Variants in KIF1A observed in about 807,000 individuals in gnomAD.
KIF1A encodes the protein kinesin-like protein KIF1A.
A neutral mutation model predicts 227.3 loss-of-function variants in KIF1A; 46 were observed. That is an observed-to-expected ratio of 0.20 (90% confidence interval 0.16 to 0.26). The LOEUF is 0.26. Among genes scored for constraint, KIF1A ranks in the 10% least tolerant of loss-of-function variants. KIF1A has a pLI of 1.00. For synonymous variants in KIF1A, 1,022 were observed against 1,012.8 expected (o/e 1.01, Z -0.17); for missense variants, 1,683 against 2,485.9 (o/e 0.68, Z 6.87).
At position 240,788,326 on chromosome 2, in the gene KIF1A, G is replaced by C; in HGVS notation, c.184-96C>G. 8.5e-7 allele frequency: 1 copy of C among 1,173,510 alleles called. No individual in the cohort carries two copies. Among genetic ancestry groups the C allele is most frequent in the Middle Eastern group, 2.0e-4 (1 of 4,930 alleles). 72.7% of individuals were successfully genotyped at this position (1,173,510 alleles called of 1,614,324 possible). Reference sequence around the variant, plus strand: ...GAGCCAGGGGATGCCCAGGGCCTCAGGGTGCCAGGGCAGCACAGTGGGGAG... The same window carrying C: ...GAGCCAGGGGATGCCCAGGGCCTCACGGTGCCAGGGCAGCACAGTGGGGAG... On this transcript the variant is annotated intron_variant, in intron 3 of 48. Coordinates refer to ENST00000498729, the MANE Select transcript of KIF1A (RefSeq NM_001244008.2). This position sits in a 1 kb window ranked among gnomAD's most constrained non-coding sequence, Gnocchi z 6.6.
In KIF1A at chr2:240,762,016, A is replaced by G. The variant is rs2050592921; in HGVS notation, c.2117-639T>C. ...CAAGGAGGGACTTGTCCTTGTGCTG[A>G]GACCCCACCCCTCCTCCCAACACAG... is the stretch of plus-strand genomic sequence containing the variant. On this transcript the variant is annotated intron_variant, in intron 23 of 48. Transcript: ENST00000498729. Among the ~76,000 whole-genome samples, 4 of 152,290 alleles carry G rather than the reference A, an allele frequency of 2.6e-5. No homozygotes were observed. The South Asian group carries it at 8.3e-4, about 32-fold the overall frequency.
chr2:240,819,495 G>GA (rs2058570487), intron 1 of KIF1A, among the ~76,000 whole-genome samples: 1 of 152,062 alleles, frequency 6.6e-6, no homozygotes. Flanking sequence ...GGGTGGCCAG[G>GA]CCCCAACGCC....
At position 240,718,153 on chromosome 2, in the gene KIF1A, C is replaced by T. The variant is rs1332752420; in HGVS notation, c.5230G>A (p.Ala1744Thr). 2 of 1,605,424 alleles carry T rather than the reference C, an allele frequency of 1.2e-6. No individual in the cohort carries two copies. The highest frequency in any genetic ancestry group is 1.7e-6 in the Non-Finnish European group (2 of 1,176,556). The change falls in exon 48 of 49, where the codon GCG becomes ACG. Residue 1744 changes from alanine (A) to threonine (T), a missense_variant. Physicochemically the swap from Ala to Thr is moderately conservative, Grantham distance 58 (BLOSUM62 0). Coordinates refer to ENST00000498729, the MANE Select transcript of KIF1A (RefSeq NM_001244008.2). ...ATGCCGCGGTGTTCCGTGCACACCG[C>T]GAATGTGTTGGGTGTCTGCAGAGGG... The part of the protein sequence containing the change: ...QAMLKTPNTF[A>T]VCTEHRGILL...
intron 1 of KIF1A, among the ~76,000 whole-genome samples, chr2:240,802,581 T>G (rs900811216): frequency 6.6e-6 from 1 of 152,176 alleles, no homozygotes; most frequent in Non-Finnish European, 1.5e-5. Flanking sequence ...AGGATGAAAA[T>G]TTGTGCTTGT....
In KIF1A at chr2:240,788,041, C is replaced by CCCCAAG; in HGVS notation, c.363+9_363+10insCTTGGG. 6.6e-7 allele frequency: 1 copy of CCCCAAG among 1,520,678 alleles called. No individual in the cohort carries two copies. Among genetic ancestry groups the CCCCAAG allele is most frequent in the Non-Finnish European group, 8.9e-7 (1 of 1,121,312 alleles). The allele number at this position is 1,520,678 out of a possible 1,614,324, so 94.2% of individuals were successfully genotyped here. On this transcript the variant is annotated intron_variant, in intron 4 of 48. Transcript: ENST00000498729. This position sits in a 1 kb window ranked among gnomAD's most constrained non-coding sequence, Gnocchi z 6.6. ...GCCAGGGCTGCCCCCGCCCGCCCCC[C>CCCCAAG]GCTTCGTGCCTGTGGGATGATGCCC...
At position 240,750,487 on chromosome 2, in the gene KIF1A, G is replaced by T. The variant is rs756247806; in HGVS notation, c.2919C>A (p.Ile973=). The T allele has an allele frequency of 7.4e-6, 12 of 1,613,800 alleles. No individual in the cohort carries two copies. The highest frequency in any genetic ancestry group is 2.2e-5 in the East Asian group (1 of 44,900). ...CCTTCACCTCGCCCTTCTCGCTGAC[G>T]ATTGCCACACGGTGTACCAGGGGAA... is the stretch of plus-strand genomic sequence containing the variant. The part of the protein sequence containing the change: ...YPVPLVHRVA[I]VSEKGEVKGF... Residue 973 remains isoleucine (I), a synonymous_variant, in exon 28 of 49, where the codon ATC becomes ATA. Transcript: ENST00000498729.
chr2:240,779,616 TCACTCAGTTCCA>T (rs1481661143), intron 10 of KIF1A, among the ~76,000 whole-genome samples: 1 of 142,998 alleles, frequency 7.0e-6, no homozygotes, highest in Admixed American at 6.9e-5. Flanking sequence ...TCACAGTTCC[TCACTCAGTTCCA>T]CACTCAGTTC....
Position 240,752,173 on chromosome 2 carries a change from G to A in KIF1A, c.2859-1626C>T, listed in dbSNP as rs928001032. ...AACGCCCCCTCTGAAGATGCCCCCC[G>A]AGAAGCGAGTACCCCACACCAATGG... is the stretch of plus-strand genomic sequence containing the variant. On this transcript the variant is annotated intron_variant, in intron 27 of 48. Coordinates refer to ENST00000498729, the MANE Select transcript of KIF1A (RefSeq NM_001244008.2). The surrounding 1 kb of genome is among the most constrained non-coding windows in gnomAD (Gnocchi z 6.4). Among the ~76,000 whole-genome samples, 5 of 151,914 alleles carry A rather than the reference G, an allele frequency of 3.3e-5. No individual in the cohort carries two copies. Among genetic ancestry groups the A allele is most frequent in the East Asian group, 1.9e-4 (1 of 5,164 alleles).
chr2:240,747,805 G>A (rs968873941), intron 28 of KIF1A, among the ~76,000 whole-genome samples: 13 of 152,168 alleles, frequency 8.5e-5, no homozygotes, highest in African/African-American at 2.9e-4. Context: ...GCCTGCCGGT[G>A]CATGCGCCCA....
rs775861140 is a variant in KIF1A at position 240,721,053 on chromosome 2, C to T, written c.4744-15G>A. 1.2e-6 allele frequency: 2 copies of T among 1,611,356 alleles called. No homozygotes were observed. Among genetic ancestry groups the T allele is most frequent in the Non-Finnish European group, 1.7e-6 (2 of 1,179,304 alleles). ...ATCTCGGAGAGCTGCGGAGGAGAGGCCTTTTTCAGGGGACACAGGGAAGGG... is the reference window on the plus strand; with the variant it reads ...ATCTCGGAGAGCTGCGGAGGAGAGGTCTTTTTCAGGGGACACAGGGAAGGG... On this transcript the variant is annotated splice_polypyrimidine_tract_variant and intron_variant, in intron 44 of 48. Transcript: ENST00000498729.
chr2:240,754,652 C>T (rs963610538), intron 27 of KIF1A, among the ~76,000 whole-genome samples: 2 of 152,224 alleles, frequency 1.3e-5, no homozygotes, highest in African/African-American at 4.8e-5. Flanking sequence ...CAGGCCATGC[C>T]CCCACCTGCC....
intron 46 of KIF1A, 113 bp from the exon 47 acceptor site, chr2:240,719,311 G>T: frequency 1.6e-6 from 2 of 1,234,718 alleles, no homozygotes; most frequent in Non-Finnish European, 2.2e-6. Context: ...CACCTCCCCA[G>T]CCAGAAAGTG....
chr2:240,757,247 C>T lies in KIF1A; in HGVS notation c.2858+72G>A. On this transcript the variant is annotated intron_variant, in intron 27 of 48. Transcript: ENST00000498729. This position sits in a 1 kb window ranked among gnomAD's most constrained non-coding sequence, Gnocchi z 6.2. The stretch of plus-strand genomic sequence containing the variant: ...CCCGGGCCAGGCCCCAGCGGTTCCT[C>T]TGTGCCCGCAGCAGTGCTCCTGTGC... The T allele has an allele frequency of 6.9e-7, 1 of 1,440,084 alleles. No homozygotes were observed. 89.2% of individuals were successfully genotyped at this position (1,440,084 alleles called of 1,614,324 possible). A position where few individuals can be genotyped will look rare whatever the true frequency, so the allele number is the denominator to read the frequency against.
intron 38 of KIF1A, among the ~76,000 whole-genome samples, chr2:240,730,350 A>T (rs1460462310): frequency 1.3e-5 from 2 of 152,168 alleles, no homozygotes; most frequent in Non-Finnish European, 2.9e-5. Context: ...GGAGGCTGAG[A>T]GGTGGCCAAG....
intron 18 of KIF1A, 71 bp downstream of exon 18, chr2:240,767,195 G>C: frequency 7.5e-7 from 1 of 1,340,162 alleles, no homozygotes; most frequent in South Asian, 1.2e-5. Context: ...AGCAGGAATG[G>C]GGAGTCCAGC....
At chr2:240,816,218 G>A (rs2058306971) in intron 1 of KIF1A, among the ~76,000 whole-genome samples, 1 of 151,998 alleles carries the variant, frequency 6.6e-6, no homozygotes, top group African/African-American at 2.4e-5. Flanking sequence ...AAGCATGTGT[G>A]TATGTGTGTT....
rs1190777796 is a variant in KIF1A at position 240,739,378 on chromosome 2, G to A, written c.3901+680C>T. 6.6e-6 allele frequency among the ~76,000 whole-genome samples: 1 copy of A among 152,238 alleles called. No homozygotes were observed. Among genetic ancestry groups the A allele is most frequent in the East Asian group, 1.9e-4 (1 of 5,200 alleles). On this transcript the variant is annotated intron_variant, in intron 37 of 48. Coordinates refer to ENST00000498729, the MANE Select transcript of KIF1A (RefSeq NM_001244008.2). The surrounding 1 kb of genome is among the most constrained non-coding windows in gnomAD (Gnocchi z 5.6). ...ACATGAGGTCATGGAAGAAAAGAGT[G>A]TAAGATCCTTGGTGATGGTTATGGG...
chr2:240,718,631 G>C (rs1046857024), intron 47 of KIF1A, among the ~76,000 whole-genome samples: 2 of 152,246 alleles, frequency 1.3e-5, no homozygotes, highest in Non-Finnish European at 2.9e-5. Context: ...TGGGCAGAGT[G>C]GGGGCAGGAG....
chr2:240,786,634 GC>G (rs1159239583), intron 5 of KIF1A, 121 bp from the exon 6 acceptor site: 1 of 874,352 alleles, frequency 1.1e-6, no homozygotes, highest in Middle Eastern at 3.4e-4. Flanking sequence ...GGAGATGGGG[GC>G]CGCCATCAGG....
Sources: allele counts gnomAD v4.1 joint callset (sites outside exome capture counted in the v4.1 genomes callset), GRCh38; gene constraint gnomAD v4.1.1; non-coding constraint Gnocchi (gnomAD v3.1); transcripts MANE v1.5; gene names NCBI Gene and HGNC (gene_info 2026-07-23, HGNC 2026-07-21).